Variants in ZFYVE19 observed in about 807,000 individuals in gnomAD.
The protein encoded by ZFYVE19 is zinc finger FYVE-type containing 19.
A neutral mutation model predicts 62.8 loss-of-function variants in ZFYVE19; 49 were observed. That is an observed-to-expected ratio of 0.78 (90% CI 0.62 to 0.99). ZFYVE19 has a LOEUF of 0.99. Among genes scored for constraint, ZFYVE19 ranks in the 50% least tolerant of loss-of-function variants. The pLI, the probability that ZFYVE19 is intolerant of heterozygous loss-of-function variation, is 0.00. For missense variants in ZFYVE19, 630 were observed against 601.9 expected (o/e 1.05, Z -0.49); for synonymous variants, 242 against 234.3 (o/e 1.03, Z -0.30).
Position 40,809,162 on chromosome 15 carries a change from T to C in ZFYVE19, c.323T>C (p.Leu108Pro). Reference sequence around the variant, plus strand: ...GGCAGGGCCTTCTGTTCAGGCTGCCTAAGCTTCAGTGCAGCAGTGCCTCGG... The same window carrying C: ...GGCAGGGCCTTCTGTTCAGGCTGCCCAAGCTTCAGTGCAGCAGTGCCTCGG... The part of the protein sequence containing the change: ...NCGRAFCSGC[L>P]SFSAAVPRTG... Residue 108 changes from leucine to proline, a missense_variant, in exon 2 of 11, where the codon CTA (leucine) becomes CCA (proline). By Grantham distance (98) the Leu-to-Pro change is moderately conservative. Coordinates refer to ENST00000355341, the MANE Select transcript of ZFYVE19 (RefSeq NM_001077268.2). 4 of 1,614,182 alleles carry C rather than the reference T, an allele frequency of 2.5e-6. No homozygotes were observed. The South Asian group carries it at 4.4e-5, about 18-fold the overall frequency.
intron 6 of ZFYVE19, chr15:40,811,094 G>T: frequency 3.2e-6 from 1 of 312,334 alleles, no homozygotes. Flanking sequence ...GAGTAAACGA[G>T]ATAATCCAAT....
rs754947968 is a variant in ZFYVE19 at position 40,810,051 on chromosome 15, TC to T, written c.572-14del. 3.7e-6 allele frequency: 6 copies of T among 1,613,866 alleles called. No individual in the cohort carries two copies. In the South Asian group the frequency reaches 4.4e-5, roughly 12 times the overall value. On this transcript the variant is annotated intron_variant, in intron 4 of 10. Transcript: ENST00000355341. The stretch of plus-strand genomic sequence containing the variant: ...GAGATGCCTCTGGCCCTTACAAGGC[TC>T]CCCCCATGCCAATTGCAGAGTTAGT...
intron 3 of ZFYVE19, 59 bp downstream of exon 3, chr15:40,809,517 G>A (rs182178785): frequency 2.5e-6 from 4 of 1,580,906 alleles, no homozygotes; most frequent in Admixed American, 3.4e-5. Context: ...GAGCCATAGG[G>A]AAAGACCCTG....
chr15:40,813,251 A>C, intron 7 of ZFYVE19, 87 bp from the exon 8 acceptor site: 1 of 1,339,042 alleles, frequency 7.5e-7, no homozygotes, highest in Non-Finnish European at 1.0e-6. Flanking sequence ...GAACCGAACC[A>C]GTTCTGGGAG....
chr15:40,814,263 G>T lies in ZFYVE19; in HGVS notation c.*37G>T, dbSNP rs759112422. The T allele has an allele frequency of 6.2e-7, 1 of 1,610,950 alleles. No individual in the cohort carries two copies. Among genetic ancestry groups the T allele is most frequent in the South Asian group, 1.1e-5 (1 of 90,894 alleles). On this transcript the variant is annotated 3_prime_UTR_variant, in exon 11 of 11. Transcript: ENST00000355341. The stretch of plus-strand genomic sequence containing the variant: ...TCCTCCCGGAAGGGCAGTCCCACAG[G>T]CAGCGGCACCCATTTCTGGGCCCAG...
rs762000698 is a variant in ZFYVE19, at chr15:40,810,230, C to T, written c.717+14C>T. The T allele has an allele frequency of 6.9e-5, 112 of 1,613,590 alleles. No homozygotes were observed. The highest frequency in any genetic ancestry group is 9.2e-5 in the Non-Finnish European group (109 of 1,179,720). On this transcript the variant is annotated intron_variant, in intron 5 of 10. Transcript: ENST00000355341. Reference sequence around the variant, plus strand: ...ACCCCCCAGCCGGTGAGTGTTATGGCTTAGGAGAGAAGCGGGGGTGCTAGC... The same window carrying T: ...ACCCCCCAGCCGGTGAGTGTTATGGTTTAGGAGAGAAGCGGGGGTGCTAGC...
intron 8 of ZFYVE19, 92 bp downstream of exon 8, chr15:40,813,509 A>G (rs1211161896): frequency 7.2e-7 from 1 of 1,393,794 alleles, no homozygotes; most frequent in Non-Finnish European, 9.9e-7. Context: ...GTAACTGTGA[A>G]GCTCCTGTTC....
At position 40,809,842 on chromosome 15, in the gene ZFYVE19, A is replaced by T; in HGVS notation, c.453-10A>T. On this transcript the variant is annotated splice_polypyrimidine_tract_variant and intron_variant, in intron 3 of 10. Transcript: ENST00000355341. ...CCTTCTTCAAGAGCCTCTATCTCAT[A>T]TCCTGCCAGGCGTGTGGCAGCCTTG... 1 of 1,614,040 alleles carries T rather than the reference A, an allele frequency of 6.2e-7. No individual in the cohort carries two copies. Among genetic ancestry groups the T allele is most frequent in the African/African-American group, 1.3e-5 (1 of 75,054 alleles).
Position 40,811,192 on chromosome 15 carries a change from T to G in ZFYVE19, c.826+435T>G, listed in dbSNP as rs1170399291. 9 of 223,216 alleles carry G rather than the reference T, an allele frequency of 4.0e-5. No individual in the cohort carries two copies. In the Admixed American group the frequency reaches 4.7e-4, roughly 12 times the overall value. 13.8% of individuals were successfully genotyped at this position (223,216 alleles called of 1,614,324 possible). A position where few individuals can be genotyped will look rare whatever the true frequency, so the allele number is the denominator to read the frequency against. On this transcript the variant is annotated intron_variant, in intron 6 of 10. Coordinates refer to ENST00000355341, the MANE Select transcript of ZFYVE19 (RefSeq NM_001077268.2). ...TGTTGATAAGGAGGAAGAAGCTATT[T>G]AGTAAAACCAGCCACATCTCAATGC...
Position 40,807,736 on chromosome 15 carries a change from C to G in ZFYVE19, c.147C>G (p.Ser49Arg). ...CAGGGCAGGGAAGGGAAGGGCGGAG[C>G]TGGGGTGAGGGTCCAAGGGGCCCAG... is the stretch of plus-strand genomic sequence containing the variant. ...GGAGQGREGR[S>R]WGEGPRGPGL... The change falls in exon 1 of 11, where the codon AGC (serine) becomes AGG (arginine). Residue 49 changes from serine to arginine, a missense_variant. By Grantham distance (110) the Ser-to-Arg change is moderately radical. Coordinates refer to ENST00000355341, the MANE Select transcript of ZFYVE19 (RefSeq NM_001077268.2). 1 of 1,595,794 alleles carries G rather than the reference C, an allele frequency of 6.3e-7. No homozygotes were observed. Among genetic ancestry groups the G allele is most frequent in the Non-Finnish European group, 8.5e-7 (1 of 1,173,440 alleles).
At chr15:40,811,732 A>C (rs575777048) in intron 6 of ZFYVE19, among the ~76,000 whole-genome samples, 1 of 152,326 alleles carries the variant, frequency 6.6e-6, no homozygotes, top group African/African-American at 2.4e-5. Context: ...TATAAGGTAC[A>C]TACTATTCTT....
At position 40,807,831 on chromosome 15, in the gene ZFYVE19, A is replaced by G. The variant is rs772529244; in HGVS notation, c.242A>G (p.Tyr81Cys). 4.6e-6 allele frequency: 7 copies of G among 1,537,382 alleles called. No homozygotes were observed. The Admixed American group carries it at 7.9e-5, about 17-fold the overall frequency. ...VLGATMESRC[Y>C]GCAVKFTLFK... Reference sequence around the variant, plus strand: ...GGAGCCACCATGGAGAGTAGGTGCTACGGCTGCGCTGTCAAGTTCACCCTC... The same window carrying G: ...GGAGCCACCATGGAGAGTAGGTGCTGCGGCTGCGCTGTCAAGTTCACCCTC... The change falls in exon 1 of 11, where the codon TAC becomes TGC. Residue 81 changes from tyrosine to cysteine, a missense_variant. Coordinates refer to ENST00000355341, the MANE Select transcript of ZFYVE19 (RefSeq NM_001077268.2).
chr15:40,809,460 T>G lies in ZFYVE19; in HGVS notation c.452+2T>G. 1 of 1,614,004 alleles carries G rather than the reference T, an allele frequency of 6.2e-7. No homozygotes were observed. The highest frequency in any genetic ancestry group is 8.5e-7 in the Non-Finnish European group (1 of 1,179,958). On this transcript the variant is annotated splice_donor_variant, in intron 3 of 10. Transcript: ENST00000355341. LOFTEE classifies it high-confidence loss of function. ...GTCACCACCTCAGAACTATAAGAAG[T>G]AAGTGCTGAAGAGAAAAAGACAAAG... is the stretch of plus-strand genomic sequence containing the variant.
Position 40,812,811 on chromosome 15 carries a change from A to C in ZFYVE19, c.939A>C (p.Ala313=). The change falls in exon 7 of 11, where the codon GCA becomes GCC. Residue 313 remains alanine (A), a synonymous_variant. Transcript: ENST00000355341. ...EEKSRLLAEA[A]LELREENTRQ... ...AGAGCAGACTGCTGGCTGAGGCAGCACTTGAGTTGCGGGAGGAGAACACGA... is the reference window on the plus strand; with the variant it reads ...AGAGCAGACTGCTGGCTGAGGCAGCCCTTGAGTTGCGGGAGGAGAACACGA... 6.2e-7 allele frequency: 1 copy of C among 1,613,784 alleles called. No individual in the cohort carries two copies. Among genetic ancestry groups the C allele is most frequent in the African/African-American group, 1.3e-5 (1 of 75,058 alleles).
intron 1 of ZFYVE19, 122 bp from the exon 2 acceptor site, chr15:40,808,997 T>G: frequency 1.4e-6 from 2 of 1,480,308 alleles, no homozygotes; most frequent in East Asian, 4.6e-5. Flanking sequence ...CCCACTCCTC[T>G]TCTTCCTCCC....
rs1890587861 is a variant in ZFYVE19 at position 40,814,011 on chromosome 15, G to T, written c.1278G>T (p.Glu426Asp). Residue 426 changes from glutamate to aspartate, a missense_variant, in exon 10 of 11, where the codon GAG (glutamate) becomes GAT (aspartate). Physicochemically the swap from Glu to Asp is conservative, Grantham distance 45. Coordinates refer to ENST00000355341, the MANE Select transcript of ZFYVE19 (RefSeq NM_001077268.2). The part of the protein sequence containing the change: ...EELPWCCICN[E>D]DATLRCAGCD... ...TCCCCTGGTGCTGCATCTGCAATGA[G>T]GATGCCACCCTACGCTGCGCTGGCT... 1 of 1,614,000 alleles carries T rather than the reference G, an allele frequency of 6.2e-7. No individual in the cohort carries two copies. Among genetic ancestry groups the T allele is most frequent in the South Asian group, 1.1e-5 (1 of 91,026 alleles).
rs775807145 is a variant in ZFYVE19 at position 40,810,110 on chromosome 15, C to T, written c.611C>T (p.Ala204Val). 6.2e-7 allele frequency: 1 copy of T among 1,614,200 alleles called. No homozygotes were observed. The highest frequency in any genetic ancestry group is 8.5e-7 in the Non-Finnish European group (1 of 1,180,038). Residue 204 changes from alanine to valine, a missense_variant, in exon 5 of 11, where the codon GCT (alanine) becomes GTT (valine). By Grantham distance (64) the Ala-to-Val change is moderately conservative (BLOSUM62 0). Transcript: ENST00000355341. ...CAGGCAGAGATAGAGGCACGGCTGG[C>T]TGCCCTAAAGGATGAACGTCAGGGT... is the stretch of plus-strand genomic sequence containing the variant. ...PSQAEIEARLAALKDERQGSI... is the reference protein window; with the variant it reads ...PSQAEIEARLVALKDERQGSI...
chr15:40,809,561 A>G, intron 3 of ZFYVE19, 103 bp downstream of exon 3: 1 of 1,416,326 alleles, frequency 7.1e-7, no homozygotes, highest in East Asian at 2.4e-5. Flanking sequence ...GCACAGAATC[A>G]GGAGAATTCT....
chr15:40,811,247 A>G (rs1406615561), intron 6 of ZFYVE19, among the ~76,000 whole-genome samples: 2 of 152,232 alleles, frequency 1.3e-5, no homozygotes, highest in Non-Finnish European at 2.9e-5. Flanking sequence ...CATGGCTACC[A>G]TCTTGGACAG....
Sources: allele counts gnomAD v4.1 joint callset (sites outside exome capture counted in the v4.1 genomes callset), GRCh38; gene constraint gnomAD v4.1.1; transcripts MANE v1.5; gene names NCBI Gene and HGNC (gene_info 2026-07-23, HGNC 2026-07-21).